The following OR52A5 variants were observed in gnomAD, a reference collection of about 807,000 sequenced individuals.
The protein encoded by OR52A5 is olfactory receptor 52A5.
Under a neutral mutation model 18.2 loss-of-function variants are expected in OR52A5, and 16 were observed. The observed-to-expected ratio is 0.88, with a 90% CI of 0.60 to 1.34. The LOEUF is 1.34. Ranked by LOEUF, OR52A5 falls within the 40% of genes most tolerant of loss-of-function variation. OR52A5 has a pLI of 0.00. For synonymous variants in OR52A5, 140 were observed against 137.2 expected, an observed-to-expected ratio of 1.02 and a Z score of -0.14; for missense variants, 418 against 383.0, an observed-to-expected ratio of 1.09 and a Z score of -0.76.
At chr11:5,138,016 G>A (rs1225827250) in intron 1 of OR52A5, among the ~76,000 whole-genome samples, 2 of 152,066 alleles carry the variant, frequency 1.3e-5, no homozygotes, top group Non-Finnish European at 2.9e-5. Flanking sequence ...TTGGCTTTTA[G>A]CAAATAAGCT....
At position 5,130,584 on chromosome 11, in the gene OR52A5, ATTCT is replaced by A. The variant is rs1465790774; in HGVS notation, c.*1104_*1107del. On this transcript the variant is annotated 3_prime_UTR_variant, in exon 2 of 2. Coordinates refer to ENST00000307388, the MANE Select transcript of OR52A5 (RefSeq NM_001005160.3). Reference sequence around the variant, plus strand: ...TTTTATCTTTTGTCATGTATTTTTGATTCTTTCTAAATATAATGTTTACATAAAC... The same window carrying A: ...TTTTATCTTTTGTCATGTATTTTTGATTCTAAATATAATGTTTACATAAAC... 1.3e-5 allele frequency: 2 copies of A among 151,896 alleles called. No homozygotes were observed. The highest frequency in any genetic ancestry group is 6.6e-5 in the Admixed American group (1 of 15,254). The allele number at this position is 151,896 out of a possible 1,614,324, so 9.4% of individuals were successfully genotyped here.
rs758565221 is a variant in OR52A5, at chr11:5,132,247, C to G, written c.396G>C (p.Leu132Phe). 3 of 1,613,930 alleles carry G rather than the reference C, an allele frequency of 1.9e-6. No homozygotes were observed. The highest frequency in any genetic ancestry group is 4.5e-5 in the East Asian group (2 of 44,874). The change falls in exon 2 of 2, where the codon TTG (leucine) becomes TTC (phenylalanine). Residue 132 changes from leucine to phenylalanine, a missense_variant. Physicochemically the swap from Leu to Phe is conservative, Grantham distance 22. Transcript: ENST00000307388. ...LDRYVAICIP[L>F]RHATIFSQQF... ...GCTGGGAAAAGATGGTGGCATGTCTCAAGGGGATACAGATGGCCACATAGC... is the reference window on the plus strand; with the variant it reads ...GCTGGGAAAAGATGGTGGCATGTCTGAAGGGGATACAGATGGCCACATAGC...
rs1451070846 is a variant in OR52A5 at position 5,132,639 on chromosome 11, G to C, written c.4C>G (p.Pro2Ala). The C allele has an allele frequency of 6.3e-7, 1 of 1,579,972 alleles. No homozygotes were observed. Among genetic ancestry groups the C allele is most frequent in the Non-Finnish European group, 8.6e-7 (1 of 1,160,774 alleles). The change falls in exon 2 of 2, where the codon CCG (proline) becomes GCG (alanine). Residue 2 changes from proline to alanine, a missense_variant. Transcript: ENST00000307388. M[P>A]TFNGSVFMPS... The stretch of plus-strand genomic sequence containing the variant: ...ATGAAGACTGAGCCATTGAATGTCG[G>C]CATGATTTGTTCATCAGAATCAAGT...
At chr11:5,132,779 G>C (rs1846354691) in intron 1 of OR52A5, 77 bp from the exon 2 acceptor site, 1 of 546,532 alleles carries the variant, frequency 1.8e-6, no homozygotes, top group South Asian at 3.9e-5. Flanking sequence ...AGTGTATCAT[G>C]TTGTATTTTC....
rs772983274 is a variant in OR52A5 at position 5,132,443 on chromosome 11, A to T, written c.200T>A (p.Met67Lys). The T allele has an allele frequency of 2.2e-5, 36 of 1,614,038 alleles. No individual in the cohort carries two copies. Among genetic ancestry groups the T allele is most frequent in the Non-Finnish European group, 3.1e-5 (36 of 1,179,986 alleles). ...AAGTGCAATGTCTGTGGCTGCCAAC[A>T]TGGCCAAAAAAATGTACATGGGTAT... The part of the protein sequence containing the change: ...LHIPMYIFLA[M>K]LAATDIALNT... Residue 67 changes from methionine (M) to lysine (K), a missense_variant, in exon 2 of 2, where the codon ATG (methionine) becomes AAG (lysine). Physicochemically the swap from Met to Lys is moderately conservative, Grantham distance 95. Coordinates refer to ENST00000307388, the MANE Select transcript of OR52A5 (RefSeq NM_001005160.3).
At position 5,130,591 on chromosome 11, in the gene OR52A5, CTAAATA is replaced by C. The variant is rs1388713804; in HGVS notation, c.*1095_*1100del. Reference sequence around the variant, plus strand: ...TTTTGTCATGTATTTTTGATTCTTTCTAAATATAATGTTTACATAAACTTTATTAAA... The same window carrying C: ...TTTTGTCATGTATTTTTGATTCTTTCTAATGTTTACATAAACTTTATTAAA... On this transcript the variant is annotated 3_prime_UTR_variant, in exon 2 of 2. Coordinates refer to ENST00000307388, the MANE Select transcript of OR52A5 (RefSeq NM_001005160.3). 2.6e-5 allele frequency: 4 copies of C among 151,938 alleles called. No homozygotes were observed. Among genetic ancestry groups the C allele is most frequent in the Non-Finnish European group, 5.9e-5 (4 of 67,900 alleles). 9.4% of individuals were successfully genotyped at this position (151,938 alleles called of 1,614,324 possible).
intron 1 of OR52A5, 69 bp from the exon 2 acceptor site, chr11:5,132,771 T>C (rs1846354587): frequency 1.8e-6 from 1 of 554,758 alleles, no homozygotes; most frequent in Admixed American, 3.4e-5. Flanking sequence ...ATTTTAGGAG[T>C]GTATCATGTT....
chr11:5,136,561 C>A (rs980498743), intron 1 of OR52A5, among the ~76,000 whole-genome samples: 3 of 152,074 alleles, frequency 2.0e-5, no homozygotes, highest in Non-Finnish European at 2.9e-5. Flanking sequence ...GCAGTTATAA[C>A]CTAAGACTTC....
intron 1 of OR52A5, among the ~76,000 whole-genome samples, chr11:5,134,928 G>T (rs1265521221): frequency 6.6e-6 from 1 of 152,088 alleles, no homozygotes; most frequent in African/African-American, 2.4e-5. Flanking sequence ...GGAGTGCAGT[G>T]GCACGATCTC....
At position 5,131,837 on chromosome 11, in the gene OR52A5, G is replaced by T. The variant is rs1846339779; in HGVS notation, c.806C>A (p.Ser269Ter). The T allele has an allele frequency of 6.2e-7, 1 of 1,613,968 alleles. No individual in the cohort carries two copies. Among genetic ancestry groups the T allele is most frequent in the Admixed American group, 1.7e-5 (1 of 60,010 alleles). ...GATATGAATATATGGTGGTATGTGT[G>T]AACCAAACCTGTGTGTGAAGAAAGA... ...FFSFFTHRFGSHIPPYIHILL... is the reference protein window; with the variant it reads ...FFSFFTHRFG The change falls in exon 2 of 2, where the codon TCA becomes TAA. Residue 269 changes from serine to a stop codon, truncating the protein, a stop_gained. Transcript: ENST00000307388. LOFTEE classifies it high-confidence loss of function.
rs138381161 is a variant in OR52A5 at position 5,131,791 on chromosome 11, C to T, written c.852G>A (p.Leu284=). ...YIHILLSNLY[L]LVPPFLNPIV... ...TAGGGTTGAGAAAAGGTGGGACTAA[C>T]AGGTAAAGATTTGACAAGAGGATAT... is the stretch of plus-strand genomic sequence containing the variant. The change falls in exon 2 of 2, where the codon CTG becomes CTA. Residue 284 remains leucine, a synonymous_variant. Transcript: ENST00000307388. The T allele has an allele frequency of 2.7e-5, 43 of 1,613,824 alleles. No individual in the cohort carries two copies. The African/African-American group carries it at 5.2e-4, about 20-fold the overall frequency.
rs2133521666 is a variant in OR52A5 at position 5,130,886 on chromosome 11, G to A, written c.*806C>T. 2.0e-5 allele frequency: 3 copies of A among 152,160 alleles called. No homozygotes were observed. The Middle Eastern group carries it at 0.01, about 518-fold the overall frequency. The allele number at this position is 152,160 out of a possible 1,614,324, so 9.4% of individuals were successfully genotyped here. A position where few individuals can be genotyped will look rare whatever the true frequency, so the allele number is the denominator to read the frequency against. ...AGGTGGTTTCTTATATGCCAGTTCT[G>A]TGTTTAGCTAATATATTATTTCAGG... On this transcript the variant is annotated 3_prime_UTR_variant, in exon 2 of 2. Coordinates refer to ENST00000307388, the MANE Select transcript of OR52A5 (RefSeq NM_001005160.3).
chr11:5,135,476 C>T (rs1477972692), intron 1 of OR52A5, among the ~76,000 whole-genome samples: 1 of 152,180 alleles, frequency 6.6e-6, no homozygotes, highest in African/African-American at 2.4e-5. Context: ...TGGACTTTCT[C>T]CTGATCCAAG....
rs1415723468 is a variant in OR52A5 at position 5,131,816 on chromosome 11, T to C, written c.827A>G (p.His276Arg). ...RFGSHIPPYI[H>R]ILLSNLYLLV... ...CAGGTAAAGATTTGACAAGAGGATATGAATATATGGTGGTATGTGTGAACC... is the reference window on the plus strand; with the variant it reads ...CAGGTAAAGATTTGACAAGAGGATACGAATATATGGTGGTATGTGTGAACC... Residue 276 changes from histidine to arginine, a missense_variant, in exon 2 of 2, where the codon CAT (histidine) becomes CGT (arginine). Transcript: ENST00000307388. 1.2e-6 allele frequency: 2 copies of C among 1,613,818 alleles called. No homozygotes were observed. Among genetic ancestry groups the C allele is most frequent in the African/African-American group, 2.7e-5 (2 of 74,890 alleles).
rs1564850667 is a variant in OR52A5 at position 5,138,349 on chromosome 11, G to A, written c.-99C>T. 1 of 152,184 alleles carries A rather than the reference G, an allele frequency of 6.6e-6. No homozygotes were observed. Among genetic ancestry groups the A allele is most frequent in the Non-Finnish European group, 1.5e-5 (1 of 68,036 alleles). The allele number at this position is 152,184 out of a possible 1,614,324, so 9.4% of individuals were successfully genotyped here. A position where few individuals can be genotyped will look rare whatever the true frequency, so the allele number is the denominator to read the frequency against. ...GGACTTATAAGTAGAAGCCATAGAG[G>A]AGAACTCTTTTTTGTTTATGTTTCA... On this transcript the variant is annotated 5_prime_UTR_variant, in exon 1 of 2. Coordinates refer to ENST00000307388, the MANE Select transcript of OR52A5 (RefSeq NM_001005160.3).
At chr11:5,133,384 A>G (rs958970762) in intron 1 of OR52A5, among the ~76,000 whole-genome samples, 3 of 149,830 alleles carry the variant, frequency 2.0e-5, no homozygotes, top group Non-Finnish European at 3.0e-5. Context: ...AAAAAAAAAA[A>G]AAAGAAAGGA....
rs377508252 is a variant in OR52A5 at position 5,130,310 on chromosome 11, T to A, written c.*1382A>T. ...TGTTTTGGTTTCTTATTTAGGAGTA[T>A]CACTTACTTATTATCTTCATTCTTT... is the stretch of plus-strand genomic sequence containing the variant. On this transcript the variant is annotated 3_prime_UTR_variant, in exon 2 of 2. Transcript: ENST00000307388. 5.3e-5 allele frequency: 8 copies of A among 152,072 alleles called. No homozygotes were observed. The highest frequency in any genetic ancestry group is 1.9e-4 in the East Asian group (1 of 5,188). The allele number at this position is 152,072 out of a possible 1,614,324, so 9.4% of individuals were successfully genotyped here.
rs1380834607 is a variant in OR52A5, at chr11:5,131,794, G to T, written c.849C>A (p.Tyr283Ter). 1 of 1,613,950 alleles carries T rather than the reference G, an allele frequency of 6.2e-7. No homozygotes were observed. The highest frequency in any genetic ancestry group is 8.5e-7 in the Non-Finnish European group (1 of 1,179,842). ...GGTTGAGAAAAGGTGGGACTAACAGGTAAAGATTTGACAAGAGGATATGAA... is the reference window on the plus strand; with the variant it reads ...GGTTGAGAAAAGGTGGGACTAACAGTTAAAGATTTGACAAGAGGATATGAA... ...PYIHILLSNL[Y>*]LLVPPFLNPI... The change falls in exon 2 of 2, where the codon TAC (tyrosine) becomes TAA (stop). Residue 283 changes from tyrosine to a stop codon, truncating the protein, a stop_gained. Transcript: ENST00000307388. LOFTEE classifies it high-confidence loss of function.
intron 1 of OR52A5, among the ~76,000 whole-genome samples, chr11:5,136,180 C>A: frequency 6.6e-6 from 1 of 152,202 alleles, no homozygotes; most frequent in South Asian, 2.1e-4. Context: ...AGCAAGTGAA[C>A]AAAATAGCAA....
Sources: gnomAD v4.1 joint callset for allele counts (sites outside exome capture counted in the v4.1 genomes callset) on GRCh38, gnomAD v4.1.1 for gene constraint, MANE v1.5 for transcripts, NCBI Gene and HGNC (gene_info 2026-07-23, HGNC 2026-07-21) for gene names.